The following RNF130 variants were observed in gnomAD, a reference collection of about 807,000 sequenced individuals.
The protein encoded by RNF130 is E3 ubiquitin-protein ligase RNF130.
Under a neutral mutation model 44.6 loss-of-function variants are expected in RNF130, and 21 were observed. That is an observed-to-expected ratio of 0.47 (90% CI 0.33 to 0.68). The LOEUF is 0.68. RNF130 is among the 30% of genes least tolerant of loss of function. The pLI is 0.02. For missense variants in RNF130, 479 were observed against 560.6 expected, an observed-to-expected ratio of 0.85 and a Z score of 1.47; for synonymous variants, 214 against 210.4, an observed-to-expected ratio of 1.02 and a Z score of -0.15.
intron 7 of RNF130, among the ~76,000 whole-genome samples, chr5:179,938,208 T>C (rs1761923565): frequency 1.3e-5 from 2 of 152,154 alleles, no homozygotes; most frequent in African/African-American, 4.8e-5. Flanking sequence ...TCCACCCTCC[T>C]TGGCCTCTCA....
At chr5:179,972,348 G>T (rs1420749560) in intron 5 of RNF130, among the ~76,000 whole-genome samples, 1 of 152,240 alleles carries the variant, frequency 6.6e-6, no homozygotes, top group Non-Finnish European at 1.5e-5. Flanking sequence ...TTTTCAGGAG[G>T]AGTACGGACC....
chr5:179,955,808 A>G, intron 8 of RNF130, 139 bp from the exon 9 acceptor site: 1 of 612,404 alleles, frequency 1.6e-6, no homozygotes, highest in Non-Finnish European at 2.8e-6. Flanking sequence ...CCAGGAAGCC[A>G]TTAAGTGTTT....
intron 2 of RNF130, 135 bp from the exon 3 acceptor site, chr5:180,013,446 G>C: frequency 2.7e-6 from 2 of 752,548 alleles, no homozygotes; most frequent in Non-Finnish European, 2.1e-6. Flanking sequence ...CTTCTCAACT[G>C]AAATGTAGAT....
Position 180,016,956 on chromosome 5 carries a change from C to G in RNF130, c.443-3645G>C, listed in dbSNP as rs141843957. On this transcript the variant is annotated intron_variant, in intron 2 of 8. Coordinates refer to ENST00000521389, the MANE Select transcript of RNF130 (RefSeq NM_018434.6). ...TTACTTATCCTCAAGAAATTTAACC[C>G]TGTGTTCTTTAATAGATGGTCCATT... Among the ~76,000 whole-genome samples, 29 of 152,308 alleles carry G rather than the reference C, an allele frequency of 1.9e-4. No homozygotes were observed. The East Asian group carries it at 5.6e-3, about 29-fold the overall frequency.
intron 1 of RNF130, among the ~76,000 whole-genome samples, chr5:180,050,567 CAT>C (rs949343319): frequency 7.2e-5 from 11 of 152,206 alleles, no homozygotes; most frequent in African/African-American, 2.7e-4. Context: ...CAAGGTGAAA[CAT>C]AGAATTCACC....
intron 2 of RNF130, among the ~76,000 whole-genome samples, chr5:180,028,697 G>A (rs1337413461): frequency 1.3e-5 from 2 of 152,086 alleles, no homozygotes; most frequent in Non-Finnish European, 2.9e-5. Context: ...ACACTCACTC[G>A]TACATCCTTC....
chr5:179,934,097 C>G (rs369137198), intron 7 of RNF130: 1 of 243,268 alleles, frequency 4.1e-6, no homozygotes, highest in Admixed American at 5.4e-5. Context: ...AACCGGAAGA[C>G]GACTTTGAAG....
At chr5:180,061,068 CAAAAAAAAAAAA>C (rs57744473) in intron 1 of RNF130, among the ~76,000 whole-genome samples, 2 of 53,600 alleles carry the variant, frequency 3.7e-5, no homozygotes, top group African/African-American at 1.7e-4. Flanking sequence ...GACTCCGTCT[CAAAAAAAAAAAA>C]AAAAAAAAAA....
chr5:179,932,988 G>A (rs1309214580), intron 7 of RNF130, among the ~76,000 whole-genome samples: 6 of 152,168 alleles, frequency 3.9e-5, no homozygotes, highest in South Asian at 2.1e-4. Flanking sequence ...TATCAGGAAT[G>A]AAAAAGACAT....
rs1026495096 is a variant in RNF130, at chr5:179,976,194, C to T, written c.848+2009G>A. 1.1e-4 allele frequency among the ~76,000 whole-genome samples: 16 copies of T among 152,194 alleles called. 1 individual carries two copies. In the South Asian group the frequency reaches 2.7e-3, roughly 26 times the overall value. On this transcript the variant is annotated intron_variant, in intron 5 of 8. Coordinates refer to ENST00000521389, the MANE Select transcript of RNF130 (RefSeq NM_018434.6). ...TTATACAAAAGGAAAAAGATAACTC[C>T]GAATGAAACTGGAAAAGTCAACACT...
chr5:179,926,760 T>C (rs944766441), intron 7 of RNF130, among the ~76,000 whole-genome samples: 6 of 152,228 alleles, frequency 3.9e-5, no homozygotes, highest in Non-Finnish European at 7.3e-5. Context: ...AGCCAGTTGG[T>C]CAGAAGCATG....
chr5:180,034,332 A>G (rs1263271013), intron 2 of RNF130, among the ~76,000 whole-genome samples: 1 of 152,160 alleles, frequency 6.6e-6, no homozygotes, highest in Non-Finnish European at 1.5e-5. Flanking sequence ...ATTGGTATAT[A>G]GTTTCCATGG....
At chr5:180,015,400 G>A (rs766223247) in intron 2 of RNF130, 32 of 525,192 alleles carry the variant, frequency 6.1e-5, no homozygotes, top group South Asian at 4.1e-4. Flanking sequence ...AGGTACAAAC[G>A]GTTTTAGAAA....
In RNF130 at chr5:179,970,405, C is replaced by T. The variant is rs775534572; in HGVS notation, c.945+5G>A. ...AAGTGGTAACAAATAAAATAGGAAACGTACCACAATTCCCAGGGCCTTCAA... is the reference window on the plus strand; with the variant it reads ...AAGTGGTAACAAATAAAATAGGAAATGTACCACAATTCCCAGGGCCTTCAA... On this transcript the variant is annotated splice_donor_5th_base_variant and intron_variant, in intron 6 of 8. Coordinates refer to ENST00000521389, the MANE Select transcript of RNF130 (RefSeq NM_018434.6). The T allele has an allele frequency of 1.0e-5, 16 of 1,598,796 alleles. No individual in the cohort carries two copies. The highest frequency in any genetic ancestry group is 1.3e-5 in the Non-Finnish European group (15 of 1,169,550).
intron 1 of RNF130, among the ~76,000 whole-genome samples, chr5:180,046,149 G>A (rs1423133516): frequency 6.6e-6 from 1 of 152,192 alleles, no homozygotes; most frequent in Non-Finnish European, 1.5e-5. Context: ...CCACAGTGCT[G>A]AGGGACCCAG....
At chr5:179,933,635 C>T (rs959983966) in intron 7 of RNF130, among the ~76,000 whole-genome samples, 6 of 151,652 alleles carry the variant, frequency 4.0e-5, no homozygotes, top group African/African-American at 1.5e-4. Flanking sequence ...GATTCTCCTG[C>T]CTCAGCCTCC....
chr5:179,938,475 A>T (rs1439933487), intron 7 of RNF130, among the ~76,000 whole-genome samples: 1 of 151,998 alleles, frequency 6.6e-6, no homozygotes, highest in Non-Finnish European at 1.5e-5. Context: ...AACGTTTTGG[A>T]GCTAGAGAGG....
intron 5 of RNF130, among the ~76,000 whole-genome samples, chr5:179,974,063 G>C (rs183281283): frequency 6.6e-6 from 1 of 152,228 alleles, no homozygotes; most frequent in Non-Finnish European, 1.5e-5. Flanking sequence ...AAGGTGAGTT[G>C]CTCTCACAGC....
chr5:179,942,833 C>T lies in RNF130; in HGVS notation c.1151-22407G>A, dbSNP rs17079821. ...ATTTGCTGCTATGGGTGACATATTT[C>T]CAGTTATGTGTAACTCTCTCCTGTG... On this transcript the variant is annotated intron_variant, in intron 7 of 7. Transcript: ENST00000522208. 9.1e-3 allele frequency among the ~76,000 whole-genome samples: 1,393 copies of T among 152,286 alleles called. 29 individuals carry two copies. The highest frequency in any genetic ancestry group is 0.032 in the African/African-American group (1,329 of 41,548).
Sources: gnomAD v4.1 joint callset for allele counts (sites outside exome capture counted in the v4.1 genomes callset) on GRCh38, gnomAD v4.1.1 for gene constraint, MANE v1.5 for transcripts, NCBI Gene and HGNC (gene_info 2026-07-23, HGNC 2026-07-21) for gene names.